ACBD6: variants seen among roughly 807,000 people sequenced by gnomAD.
The protein encoded by ACBD6 is acyl-CoA-binding domain-containing protein 6.
A neutral mutation model predicts 37.2 loss-of-function variants in ACBD6; 28 were observed. That is an observed-to-expected ratio of 0.75 (90% CI 0.56 to 1.03). The LOEUF (loss-of-function observed/expected upper bound fraction) is 1.03. ACBD6 is among the 50% of genes least tolerant of loss of function. The pLI, the probability that ACBD6 is intolerant of heterozygous loss-of-function variation, is 0.00. For synonymous variants in ACBD6, 113 were observed against 126.8 expected, an observed-to-expected ratio of 0.89 and a Z score of 0.73; for missense variants, 340 against 337.4, an observed-to-expected ratio of 1.01 and a Z score of -0.06.
chr1:180,414,672 A>G (rs1648001205), intron 4 of ACBD6, among the ~76,000 whole-genome samples: 1 of 152,230 alleles, frequency 6.6e-6, no homozygotes, highest in African/African-American at 2.4e-5. Flanking sequence ...CAGGATTAAC[A>G]TAAGGTAAAA....
At chr1:180,409,259 A>T (rs1647754791) in intron 5 of ACBD6, among the ~76,000 whole-genome samples, 1 of 152,346 alleles carries the variant, frequency 6.6e-6, no homozygotes, top group Middle Eastern at 3.4e-3. Flanking sequence ...TTTTAAAAAA[A>T]CAAATGTATT....
intron 6 of ACBD6, among the ~76,000 whole-genome samples, chr1:180,331,048 G>A (rs1651460859): frequency 6.6e-6 from 1 of 152,172 alleles, no homozygotes; most frequent in Non-Finnish European, 1.5e-5. Context: ...TTCTCTCCAG[G>A]AGATATAACT....
intron 6 of ACBD6, chr1:180,326,470 T>C (rs574122393): frequency 6.6e-6 from 1 of 152,352 alleles, no homozygotes; most frequent in African/African-American, 2.4e-5. Context: ...ATCCAAGGCT[T>C]GTCTGGTCCA....
intron 6 of ACBD6, among the ~76,000 whole-genome samples, chr1:180,359,803 CTATT>C (rs958127673): frequency 3.3e-5 from 5 of 151,842 alleles, no homozygotes; most frequent in African/African-American, 4.8e-5. Context: ...TTTTTGTCTC[CTATT>C]TATTTCCAAA....
chr1:180,274,442 C>A (rs1648901835), intron 10 of ACBD6: 2 of 1,614,106 alleles, frequency 1.2e-6, no homozygotes, highest in South Asian at 2.2e-5. Context: ...GCATGCAGGG[C>A]AGGGAGTAAG....
intron 5 of ACBD6, among the ~76,000 whole-genome samples, chr1:180,401,918 G>A (rs16855986): frequency 0.036 from 5,488 of 152,040 alleles, 307 homozygotes; most frequent in African/African-American, 0.12. Flanking sequence ...ACGTATAACA[G>A]ATAAAAACAT....
chr1:180,478,497 T>C (rs1650888522), intron 3 of ACBD6, among the ~76,000 whole-genome samples: 1 of 151,924 alleles, frequency 6.6e-6, no homozygotes, highest in African/African-American at 2.4e-5. Flanking sequence ...CTCTCTTTTT[T>C]TTTTTTTTTG....
At chr1:180,501,916 A>C (rs1367353519) in intron 1 of ACBD6, 129 bp downstream of exon 1, 21 of 871,146 alleles carry the variant, frequency 2.4e-5, no homozygotes, top group Middle Eastern at 4.6e-4. Context: ...AAAAAAAAAA[A>C]AACAAAACAA....
chr1:180,310,829 T>C (rs1365848633), intron 7 of ACBD6, among the ~76,000 whole-genome samples: 3 of 152,198 alleles, frequency 2.0e-5, no homozygotes, highest in African/African-American at 4.8e-5. Context: ...TTAATATTTG[T>C]AGACATTTAC....
chr1:180,389,207 C>A (rs141391350), intron 6 of ACBD6, among the ~76,000 whole-genome samples: 5 of 152,050 alleles, frequency 3.3e-5, no homozygotes, highest in Non-Finnish European at 4.4e-5. Context: ...TGTGTCCATG[C>A]GTTCTCATTG....
In ACBD6 at chr1:180,460,155, C is replaced by T. The variant is rs563233195; in HGVS notation, c.385-29893G>A. ...CCTCCCCCTACCCCACAGTAGGCCCCGGTGTGTGATGTTCCTTAAGTGGGT... is the reference window on the plus strand; with the variant it reads ...CCTCCCCCTACCCCACAGTAGGCCCTGGTGTGTGATGTTCCTTAAGTGGGT... On this transcript the variant is annotated intron_variant, in intron 3 of 7. Transcript: ENST00000367595. 4.6e-5 allele frequency among the ~76,000 whole-genome samples: 7 copies of T among 150,562 alleles called. No individual in the cohort carries two copies. The South Asian group carries it at 8.6e-4, about 18-fold the overall frequency.
intron 6 of ACBD6, among the ~76,000 whole-genome samples, chr1:180,350,715 G>A (rs1652377248): frequency 6.6e-6 from 1 of 152,092 alleles, no homozygotes; most frequent in African/African-American, 2.4e-5. Context: ...TACAGTACAA[G>A]ATAGGCCACA....
chr1:180,446,562 A>T (rs1190320603), intron 3 of ACBD6, among the ~76,000 whole-genome samples: 1 of 152,162 alleles, frequency 6.6e-6, no homozygotes, highest in Non-Finnish European at 1.5e-5. Flanking sequence ...CATCTCATCT[A>T]CCATTTGTCA....
At chr1:180,447,108 CT>C (rs1649504494) in intron 3 of ACBD6, among the ~76,000 whole-genome samples, 4 of 152,054 alleles carry the variant, frequency 2.6e-5, no homozygotes, top group Admixed American at 2.0e-4. Context: ...TGCATAAATG[CT>C]TAAATTAGCA....
chr1:180,498,145 G>A (rs1285822405), intron 1 of ACBD6, among the ~76,000 whole-genome samples: 2 of 152,116 alleles, frequency 1.3e-5, no homozygotes, highest in Non-Finnish European at 1.5e-5. Flanking sequence ...AACAGCAAAC[G>A]TTCACATTCA....
At chr1:180,392,334 C>G (rs1490991593) in intron 6 of ACBD6, among the ~76,000 whole-genome samples, 2 of 151,626 alleles carry the variant, frequency 1.3e-5, no homozygotes, top group Non-Finnish European at 2.9e-5. Context: ...TGTACATTAC[C>G]TCACTGAATT....
intron 7 of ACBD6, among the ~76,000 whole-genome samples, chr1:180,306,066 G>A (rs1292191585): frequency 7.0e-6 from 1 of 143,550 alleles, no homozygotes; most frequent in African/African-American, 2.6e-5. Flanking sequence ...CGTGGACACA[G>A]GAAGGGGAAC....
At chr1:180,316,313 TGTG>T (rs2149291876) in intron 6 of ACBD6, among the ~76,000 whole-genome samples, 1 of 135,132 alleles carries the variant, frequency 7.4e-6, no homozygotes, top group South Asian at 2.4e-4. Context: ...TCAATGAAAG[TGTG>T]TGTGTGTGTG....
chr1:180,316,855 T>C (rs1394123760), intron 6 of ACBD6, among the ~76,000 whole-genome samples: 2 of 152,144 alleles, frequency 1.3e-5, no homozygotes, highest in African/African-American at 2.4e-5. Context: ...AGCAAATAAA[T>C]ATATTTAATA....
Sources: gnomAD v4.1 joint callset for allele counts (sites outside exome capture counted in the v4.1 genomes callset) on GRCh38, gnomAD v4.1.1 for gene constraint, MANE v1.5 for transcripts, NCBI Gene and HGNC (gene_info 2026-07-23, HGNC 2026-07-21) for gene names.